INCA1: variants seen among roughly 807,000 people sequenced by gnomAD.
INCA1 encodes the protein protein INCA1.
A neutral mutation model predicts 25.7 loss-of-function variants in INCA1; 28 were observed. The observed-to-expected ratio is 1.09, with a 90% CI of 0.81 to 1.49. The LOEUF is 1.49. Among genes scored for constraint, INCA1 ranks in the 40% most tolerant of loss-of-function variants. The probability of loss-of-function intolerance (pLI) is 0.00; values close to 1 mark genes in which losing one functional copy is unlikely to be tolerated. For missense variants in INCA1, 309 were observed against 290.9 expected (o/e 1.06, Z -0.45); for synonymous variants, 111 against 103.6 (o/e 1.07, Z -0.43).
At chr17:4,988,528 C>G (rs770622387) in exon 7 of INCA1, 2 of 1,609,974 alleles carry the variant, frequency 1.2e-6, no homozygotes, top group East Asian at 4.5e-5. Flanking sequence ...CCTCCTGATC[C>G]AGGGGGCTCC....
chr17:4,989,731 A>G (rs867415126), intron 4 of INCA1, 107 bp from the exon 5 acceptor site: 38 of 1,551,292 alleles, frequency 2.4e-5, no homozygotes, highest in African/African-American at 4.1e-5. Context: ...GACCCCTGTG[A>G]TCTCGAAAAC....
chr17:4,989,855 CAG>C (rs1973724884), intron 4 of INCA1, 33 bp downstream of exon 4: 1 of 1,614,058 alleles, frequency 6.2e-7, no homozygotes, highest in Non-Finnish European at 8.5e-7. Context: ...GCAATTTTAA[CAG>C]AGAAATGTTA....
At chr17:4,996,388 GAA>G (rs879765607) in intron 1 of INCA1, among the ~76,000 whole-genome samples, 1 of 133,114 alleles carries the variant, frequency 7.5e-6, no homozygotes, top group Non-Finnish European at 1.6e-5. Flanking sequence ...TTTCTAAGAA[GAA>G]AAAAAAAAAA....
rs182785261 is a variant in INCA1 at position 4,988,573 on chromosome 17, T to C, written c.562-19A>G. 4.4e-6 allele frequency: 7 copies of C among 1,605,866 alleles called. No homozygotes were observed. The Admixed American group carries it at 7.0e-5, about 16-fold the overall frequency. On this transcript the variant is annotated intron_variant, in intron 6 of 6. Transcript: ENST00000576820. ...AAAGCAGCTGTCAAGATGAGAGAAATTGAAAAAGAAAATGGAAAAGTAGGT... is the reference window on the plus strand; with the variant it reads ...AAAGCAGCTGTCAAGATGAGAGAAACTGAAAAAGAAAATGGAAAAGTAGGT...
intron 3 of INCA1, 54 bp downstream of exon 3, chr17:4,990,098 G>A: frequency 1.9e-6 from 3 of 1,611,624 alleles, no homozygotes; most frequent in South Asian, 1.1e-5. Flanking sequence ...GTTTATGGTA[G>A]TTTAATCCAG....
intron 1 of INCA1, 71 bp from the exon 2 acceptor site, chr17:4,994,546 C>T (rs995869084): frequency 1.7e-6 from 2 of 1,193,148 alleles, no homozygotes; most frequent in African/African-American, 1.5e-5. Flanking sequence ...AATCCCAGTA[C>T]TTTTGGAGGC....
intron 6 of INCA1, 45 bp from the exon 7 acceptor site, chr17:4,988,599 C>A: frequency 6.2e-7 from 1 of 1,604,448 alleles, no homozygotes; most frequent in South Asian, 1.1e-5. Flanking sequence ...AAAAGTAGGT[C>A]TTCTTTCCAG....
In INCA1 at chr17:4,990,268, G is replaced by A. The variant is rs565995698; in HGVS notation, c.45-3C>T. 127 of 1,612,512 alleles carry A rather than the reference G, an allele frequency of 7.9e-5. 4 individuals carry two copies. The South Asian group carries it at 1.4e-3, about 17-fold the overall frequency. On this transcript the variant is annotated splice_polypyrimidine_tract_variant and splice_region_variant and intron_variant, in intron 2 of 6. Coordinates refer to ENST00000576820, the Ensembl canonical transcript of INCA1. ...ATCGGCTGACCACCCTGGAACACCT[G>A]AGGTGAGGACAAGGTAGGCTCGGGT...
At chr17:4,996,158 G>A (rs1216485719) in intron 1 of INCA1, among the ~76,000 whole-genome samples, 1 of 152,150 alleles carries the variant, frequency 6.6e-6, no homozygotes, top group African/African-American at 2.4e-5. Context: ...GCGGAAGTGG[G>A]TGGATTGCTC....
chr17:4,989,333 C>G (rs915087644), intron 5 of INCA1, 95 bp downstream of exon 5: 25 of 1,207,796 alleles, frequency 2.1e-5, no homozygotes, highest in Middle Eastern at 2.4e-4. Context: ...TCCCCTCAAA[C>G]CTCCCCTCAA....
At position 4,991,789 on chromosome 17, in the gene INCA1, T is replaced by C. The variant is rs116648251; in HGVS notation, c.45-1524A>G. Among the ~76,000 whole-genome samples the C allele has an allele frequency of 1.9e-3, 286 of 152,300 alleles. 1 individual carries two copies. The highest frequency in any genetic ancestry group is 6.6e-3 in the African/African-American group (273 of 41,550). On this transcript the variant is annotated intron_variant, in intron 2 of 6. Coordinates refer to ENST00000576820, the Ensembl canonical transcript of INCA1. ...TGCCCAGTTGCTAAGACCAAAAACATGGTATGTCTCACTTTCCCTCACCTC... is the reference window on the plus strand; with the variant it reads ...TGCCCAGTTGCTAAGACCAAAAACACGGTATGTCTCACTTTCCCTCACCTC...
At chr17:4,997,049 T>G (rs1974338862), upstream of INCA1, 1 of 152,922 alleles carries the variant, frequency 6.5e-6, no homozygotes, top group South Asian at 2.1e-4. Context: ...GGAAGGATCC[T>G]CCACAGTTGA....
intron 2 of INCA1, 38 bp from the exon 3 acceptor site, chr17:4,990,303 C>G (rs1282710765): frequency 1.3e-6 from 2 of 1,584,066 alleles, no homozygotes; most frequent in East Asian, 2.2e-5. Flanking sequence ...TCTGGCTCTT[C>G]CCTTACAGCA....
intron 1 of INCA1, among the ~76,000 whole-genome samples, chr17:4,995,423 G>T (rs1206939525): frequency 6.6e-6 from 1 of 152,160 alleles, no homozygotes; most frequent in South Asian, 2.1e-4. Flanking sequence ...GAGACTGGGT[G>T]GGGTGGAGGC....
intron 2 of INCA1, among the ~76,000 whole-genome samples, chr17:4,990,774 T>G (rs1161941667): frequency 6.7e-6 from 1 of 150,060 alleles, no homozygotes; most frequent in African/African-American, 2.5e-5. Context: ...TCCCAGCTAC[T>G]CGGGAGGCTG....
intron 2 of INCA1, among the ~76,000 whole-genome samples, chr17:4,993,328 C>T (rs1271489179): frequency 3.3e-5 from 5 of 151,872 alleles, no homozygotes; most frequent in Admixed American, 6.6e-5. Flanking sequence ...TACAGGCATG[C>T]GCCACCACAC....
chr17:4,997,285 G>C (rs997746010), upstream of INCA1, among the ~76,000 whole-genome samples: 1 of 152,166 alleles, frequency 6.6e-6, no homozygotes, highest in African/African-American at 2.4e-5. Flanking sequence ...CCTCGAGAGG[G>C]GCCCTGAGGT....
In INCA1 at chr17:4,988,915, CCA is replaced by C; in HGVS notation, c.423_424del (p.Ala143CysfsTer3). 1 of 1,614,142 alleles carries C rather than the reference CCA, an allele frequency of 6.2e-7. No homozygotes were observed. The highest frequency in any genetic ancestry group is 8.5e-7 in the Non-Finnish European group (1 of 1,180,022). On this transcript the variant is annotated frameshift_variant, in exon 6 of 7. Transcript: ENST00000576820. LOFTEE classifies it high-confidence loss of function. ...AAGCACCACTGGCTCAGATGCAGCC[CCA>C]GAGCTGCCCCACTGGGCCTTCTTCA...
At chr17:4,996,230 G>A (rs1974248962) in intron 1 of INCA1, among the ~76,000 whole-genome samples, 1 of 151,250 alleles carries the variant, frequency 6.6e-6, no homozygotes. Context: ...ACCAAAATAC[G>A]AAAAAGTTTA....
Sources: gnomAD v4.1 joint callset for allele counts (sites outside exome capture counted in the v4.1 genomes callset) on GRCh38, gnomAD v4.1.1 for gene constraint, MANE v1.5 for transcripts, NCBI Gene and HGNC (gene_info 2026-07-23, HGNC 2026-07-21) for gene names.